MMP15: variants seen among roughly 807,000 people sequenced by gnomAD.
The protein encoded by MMP15 is matrix metalloproteinase-15.
A neutral mutation model predicts 65.0 loss-of-function variants in MMP15; 36 were observed. The ratio of observed to expected loss-of-function variants is 0.55; its 90% confidence interval spans 0.42 to 0.73. MMP15 has a LOEUF of 0.73. MMP15 is among the 30% of genes least tolerant of loss of function. The probability of loss-of-function intolerance (pLI) is 0.00; values close to 1 mark genes in which losing one functional copy is unlikely to be tolerated. For missense variants in MMP15, 870 were observed against 987.8 expected, an observed-to-expected ratio of 0.88 and a Z score of 1.60; for synonymous variants, 428 against 410.2, an observed-to-expected ratio of 1.04 and a Z score of -0.52.
intron 1 of MMP15, among the ~76,000 whole-genome samples, chr16:58,029,399 G>A (rs957874812): frequency 1.3e-5 from 2 of 152,192 alleles, no homozygotes; most frequent in African/African-American, 4.8e-5. Flanking sequence ...TAATAGCGGG[G>A]CCTTGTCATT....
chr16:58,031,261 A>G (rs1251201051), intron 1 of MMP15, among the ~76,000 whole-genome samples: 1 of 152,200 alleles, frequency 6.6e-6, no homozygotes, highest in African/African-American at 2.4e-5. Context: ...GCTACAGGTC[A>G]GAGCCTAGGG....
At chr16:58,044,797 G>C (rs970178751) in intron 9 of MMP15, among the ~76,000 whole-genome samples, 1 of 152,214 alleles carries the variant, frequency 6.6e-6, no homozygotes, top group Non-Finnish European at 1.5e-5. Flanking sequence ...GTCTGGTCAG[G>C]AAGCCCAGGG....
intron 1 of MMP15, among the ~76,000 whole-genome samples, chr16:58,031,852 C>CTT (rs1567428486): frequency 5.3e-4 from 65 of 123,360 alleles, no homozygotes; most frequent in African/African-American, 2.4e-3. Context: ...CTCGATGCCG[C>CTT]CTTTTTTTTT....
At position 58,039,928 on chromosome 16, in the gene MMP15, G is replaced by A. The variant is rs543011167; in HGVS notation, c.494G>A (p.Arg165His). 59 of 1,612,464 alleles carry A rather than the reference G, an allele frequency of 3.7e-5. No individual in the cohort carries two copies. In the East Asian group the frequency reaches 6.7e-4, roughly 18 times the overall value. Residue 165 changes from arginine to histidine, a missense_variant, in exon 4 of 10, where the codon CGC (arginine) becomes CAC (histidine). Transcript: ENST00000219271. ...LGWYHSMEAV[R>H]RAFRVWEQAT... Reference sequence around the variant, plus strand: ...TGGTACCACTCGATGGAGGCGGTGCGCAGGGCCTTCCGCGTGTGGGAGCAG... The same window carrying A: ...TGGTACCACTCGATGGAGGCGGTGCACAGGGCCTTCCGCGTGTGGGAGCAG...
intron 9 of MMP15, among the ~76,000 whole-genome samples, chr16:58,044,616 G>C (rs1959518074): frequency 6.6e-6 from 1 of 152,226 alleles, no homozygotes; most frequent in Admixed American, 6.5e-5. Context: ...GCAGCACCAG[G>C]TTCCTTCCGC....
intron 1 of MMP15, among the ~76,000 whole-genome samples, chr16:58,031,974 TCTC>T (rs1235231812): frequency 3.4e-5 from 5 of 147,408 alleles, no homozygotes; most frequent in African/African-American, 7.5e-5. Context: ...TTCAGGCAAT[TCTC>T]CTGCTTCAGC....
At chr16:58,038,097 A>C (rs1489137036) in intron 2 of MMP15, among the ~76,000 whole-genome samples, 169 bp from the exon 3 acceptor site, 1 of 152,220 alleles carries the variant, frequency 6.6e-6, no homozygotes, top group Admixed American at 6.5e-5. Context: ...GTCTTCCAAT[A>C]CAGGCATTTT....
chr16:58,033,005 C>T (rs1307232264), intron 1 of MMP15, among the ~76,000 whole-genome samples: 9 of 98,448 alleles, frequency 9.1e-5, no homozygotes, highest in Admixed American at 8.7e-4. Flanking sequence ...GCTGGAGGAG[C>T]TGGAAGGGCC....
Position 58,042,387 on chromosome 16 carries a change from T to C in MMP15, c.1303+18T>C, listed in dbSNP as rs1220329989. ...TTTCAAAGGTGAGCAGAGGTAGGGT[T>C]AGAGGGTTGGGCACGCCTCCTGCCA... On this transcript the variant is annotated intron_variant, in intron 7 of 9. Coordinates refer to ENST00000219271, the MANE Select transcript of MMP15 (RefSeq NM_002428.4). 8 of 1,613,136 alleles carry C rather than the reference T, an allele frequency of 5.0e-6. No homozygotes were observed. Among genetic ancestry groups the C allele is most frequent in the Non-Finnish European group, 6.8e-6 (8 of 1,179,492 alleles).
chr16:58,041,898 C>A, intron 6 of MMP15, 28 bp downstream of exon 6: 1 of 1,545,878 alleles, frequency 6.5e-7, no homozygotes, highest in Non-Finnish European at 8.7e-7. Context: ...ATGCCTGGCC[C>A]TGAGCCTTTT....
chr16:58,037,002 G>T (rs903466090), intron 1 of MMP15, among the ~76,000 whole-genome samples: 7 of 152,218 alleles, frequency 4.6e-5, no homozygotes, highest in African/African-American at 1.7e-4. Flanking sequence ...TGTCAGAGAA[G>T]ACCTCTTAGA....
intron 1 of MMP15, among the ~76,000 whole-genome samples, chr16:58,033,831 A>C (rs1959280417): frequency 6.6e-6 from 1 of 152,244 alleles, no homozygotes. Context: ...TGAACTCAGG[A>C]GGCAGAAGTT....
At position 58,037,604 on chromosome 16, in the gene MMP15, G is replaced by A. The variant is rs768960188; in HGVS notation, c.295G>A (p.Asp99Asn). Residue 99 changes from aspartate to asparagine, a missense_variant, in exon 2 of 10, where the codon GAC becomes AAC. Asp to Asn is a conservative substitution (Grantham distance 23). Coordinates refer to ENST00000219271, the MANE Select transcript of MMP15 (RefSeq NM_002428.4). ...FYGIPVTGVL[D>N]EETKEWMKRP... ...CGGGATCCCAGTCACCGGTGTGCTC[G>A]ACGAAGAGACCAAGGAGTGAGTTCC... 13 of 1,614,026 alleles carry A rather than the reference G, an allele frequency of 8.1e-6. No homozygotes were observed. The highest frequency in any genetic ancestry group is 1.3e-5 in the African/African-American group (1 of 74,924).
intron 5 of MMP15, 66 bp from the exon 6 acceptor site, chr16:58,041,551 G>A: frequency 6.5e-7 from 1 of 1,541,284 alleles, no homozygotes; most frequent in South Asian, 1.2e-5. Flanking sequence ...CTGTGCTGGG[G>A]GCCCCGGGGC....
At chr16:58,034,314 C>T (rs2142325607) in intron 1 of MMP15, among the ~76,000 whole-genome samples, 1 of 152,304 alleles carries the variant, frequency 6.6e-6, no homozygotes, top group East Asian at 1.9e-4. Context: ...CAGCAAGCTC[C>T]CCACGCTGCC....
In MMP15 at chr16:58,026,456, C is replaced by A; in HGVS notation, c.106C>A (p.Leu36Ile). The A allele has an allele frequency of 6.9e-7, 1 of 1,444,864 alleles. No individual in the cohort carries two copies. The allele number at this position is 1,444,864 out of a possible 1,614,324, so 89.5% of individuals were successfully genotyped here. ...GCGACTGCTGCCGCTGCTCCTGGTG[C>A]TTCTGGGCTGCCTGGGCCTTGGCGT... ...RPRLLPLLLVLLGCLGLGVAA... is the reference protein window; with the variant it reads ...RPRLLPLLLVILGCLGLGVAA... Residue 36 changes from leucine (L) to isoleucine (I), a missense_variant, in exon 1 of 10, where the codon CTT (leucine) becomes ATT (isoleucine). Transcript: ENST00000219271.
chr16:58,027,933 T>C (rs1024053155), intron 1 of MMP15, among the ~76,000 whole-genome samples: 2 of 150,906 alleles, frequency 1.3e-5, no homozygotes, highest in Admixed American at 6.6e-5. Flanking sequence ...CCCCTCAGCC[T>C]GTGACCCAAG....
At position 58,026,633 on chromosome 16, in the gene MMP15, GC is replaced by G. The variant is rs2142320789; in HGVS notation, c.162+122del. 4 of 1,131,162 alleles carry G rather than the reference GC, an allele frequency of 3.5e-6. No homozygotes were observed. The South Asian group carries it at 1.2e-4, about 35-fold the overall frequency. The allele number at this position is 1,131,162 out of a possible 1,614,324, so 70.1% of individuals were successfully genotyped here. A position where few individuals can be genotyped will look rare whatever the true frequency, so the allele number is the denominator to read the frequency against. On this transcript the variant is annotated intron_variant, in intron 1 of 9. Transcript: ENST00000219271. The stretch of plus-strand genomic sequence containing the variant: ...GACGCGCCCCCTGTTCTGGGCCGTG[GC>G]GGGGAAGCAAGCGGACTTGGCAGTC...
Position 58,026,421 on chromosome 16 carries a change from C to A in MMP15, c.71C>A (p.Ala24Glu). 6.9e-7 allele frequency: 1 copy of A among 1,442,268 alleles called. No homozygotes were observed. The highest frequency in any genetic ancestry group is 9.1e-7 in the Non-Finnish European group (1 of 1,101,706). 89.3% of individuals were successfully genotyped at this position (1,442,268 alleles called of 1,614,324 possible). ...AGCCTCCTCGGCGACCGGGAGGAGG[C>A]GGCGCGGCCGCGACTGCTGCCGCTG... is the stretch of plus-strand genomic sequence containing the variant. ...TGSLLGDREE[A>E]ARPRLLPLLL... The change falls in exon 1 of 10, where the codon GCG (alanine) becomes GAG (glutamate). Residue 24 changes from alanine to glutamate, a missense_variant. Transcript: ENST00000219271.
Sources: allele counts gnomAD v4.1 joint callset (sites outside exome capture counted in the v4.1 genomes callset), GRCh38; gene constraint gnomAD v4.1.1; transcripts MANE v1.5; gene names NCBI Gene and HGNC (gene_info 2026-07-23, HGNC 2026-07-21).